AFF2: variants seen among roughly 807,000 people sequenced by gnomAD.
AFF2 encodes the protein ALF transcription elongation factor 2.
A neutral mutation model predicts 76.9 loss-of-function variants in AFF2; 14 were observed. The ratio of observed to expected loss-of-function variants is 0.18; its 90% CI spans 0.12 to 0.28. The LOEUF is 0.28. AFF2 is among the 10% of genes least tolerant of loss of function. The pLI, the probability that AFF2 is intolerant of heterozygous loss-of-function variation, is 1.00. For synonymous variants in AFF2, 398 were observed against 366.7 expected, an observed-to-expected ratio of 1.09 and a Z score of -0.98; for missense variants, 868 against 1,001.1, an observed-to-expected ratio of 0.87 and a Z score of 1.79.
intron 7 of AFF2, among the ~76,000 whole-genome samples, chrX:148,854,530 C>G (rs970555475): frequency 9.0e-6 from 1 of 111,353 alleles, no homozygotes; most frequent in East Asian, 2.8e-4. Flanking sequence ...CCCCAGGGTC[C>G]AAATGGCAAC....
At chrX:148,616,954 T>C (rs868939494) in intron 1 of AFF2, among the ~76,000 whole-genome samples, 15 of 111,963 alleles carry the variant, frequency 1.3e-4, no homozygotes, top group South Asian at 3.7e-4. Context: ...GTGCCACATT[T>C]TCTTAATCCA....
intron 4 of AFF2, among the ~76,000 whole-genome samples, chrX:148,814,870 G>T (rs2070246278): frequency 9.0e-6 from 1 of 111,540 alleles, no homozygotes; most frequent in Admixed American, 9.5e-5. Context: ...AACAAAATTG[G>T]TCGGACAATT....
At chrX:148,619,041 A>T (rs1557250888) in intron 1 of AFF2, among the ~76,000 whole-genome samples, 1 of 111,142 alleles carries the variant, frequency 9.0e-6, no homozygotes, top group African/African-American at 3.3e-5. Flanking sequence ...TGAGATAAAC[A>T]TTCTTTTCTT....
intron 1 of AFF2, among the ~76,000 whole-genome samples, chrX:148,622,837 T>C (rs1228754388): frequency 8.9e-6 from 1 of 112,008 alleles, no homozygotes; most frequent in Admixed American, 9.5e-5. Context: ...CCATGCCACG[T>C]TCTCATTCAC....
At chrX:148,833,173 C>G (rs1045529514) in intron 4 of AFF2, among the ~76,000 whole-genome samples, 2 of 111,627 alleles carry the variant, frequency 1.8e-5, no homozygotes, top group African/African-American at 6.5e-5. Context: ...ACTATTGAAG[C>G]CTTTTCCAAA....
intron 1 of AFF2, among the ~76,000 whole-genome samples, chrX:148,634,104 T>C (rs2054005746): frequency 2.7e-5 from 3 of 111,877 alleles, no homozygotes; most frequent in South Asian, 7.4e-4. Context: ...CAATACCCTC[T>C]AATAACCCTT....
chrX:148,593,273 G>A (rs1475297275), intron 1 of AFF2, among the ~76,000 whole-genome samples: 7 of 112,292 alleles, frequency 6.2e-5, no homozygotes, highest in African/African-American at 9.7e-5. Flanking sequence ...TCATGGTTGC[G>A]TTTCTAGCTA....
intron 19 of AFF2, 98 bp downstream of exon 19, chrX:148,980,888 GAACTA>G (rs2072384199): frequency 1.8e-6 from 1 of 568,259 alleles, no homozygotes; most frequent in African/African-American, 2.2e-5. Flanking sequence ...GTCAATTCTA[GAACTA>G]CAGTCATTTT....
At chrX:148,882,208 G>A (rs2071105169) in intron 7 of AFF2, among the ~76,000 whole-genome samples, 2 of 111,661 alleles carry the variant, frequency 1.8e-5, no homozygotes, top group African/African-American at 6.5e-5. Context: ...GAATGTTTCA[G>A]TGCAAAGAGC....
At chrX:148,923,527 G>C (rs1040367001) in intron 9 of AFF2, among the ~76,000 whole-genome samples, 5 of 110,477 alleles carry the variant, frequency 4.5e-5, no homozygotes, top group Admixed American at 2.9e-4. Context: ...CAAAAATTTT[G>C]AAACGGAAAG....
At chrX:148,824,445 G>T (rs917775105) in intron 4 of AFF2, among the ~76,000 whole-genome samples, 1 of 112,030 alleles carries the variant, frequency 8.9e-6, no homozygotes, top group East Asian at 2.8e-4. Flanking sequence ...AGCTATGTGA[G>T]TTGGTGGACA....
intron 3 of AFF2, among the ~76,000 whole-genome samples, chrX:148,666,791 A>G (rs1052349797): frequency 2.7e-5 from 3 of 111,190 alleles, no homozygotes; most frequent in Admixed American, 9.5e-5. Flanking sequence ...TTGCTTGCAG[A>G]TGGTGCTTTA....
intron 1 of AFF2, among the ~76,000 whole-genome samples, chrX:148,508,588 CCTGA>C (rs1194693491): frequency 6.3e-5 from 7 of 111,603 alleles, no homozygotes; most frequent in Admixed American, 9.5e-5. Context: ...TACATGACAA[CCTGA>C]CTATCTGTTG....
chrX:148,574,164 A>T (rs959874081), intron 1 of AFF2, among the ~76,000 whole-genome samples: 1 of 111,497 alleles, frequency 9.0e-6, no homozygotes, highest in Non-Finnish European at 1.9e-5. Context: ...AATTTTTTTT[A>T]TTGTCTGAGT....
chrX:148,517,502 A>T (rs1308559816), intron 1 of AFF2, among the ~76,000 whole-genome samples: 1 of 111,636 alleles, frequency 9.0e-6, no homozygotes, highest in Non-Finnish European at 1.9e-5. Flanking sequence ...CCCTTGAATG[A>T]TTTTTTGTGT....
intron 5 of AFF2, among the ~76,000 whole-genome samples, chrX:148,839,050 G>A (rs1338009975): frequency 7.1e-5 from 8 of 112,191 alleles, no homozygotes; most frequent in Admixed American, 6.6e-4. Flanking sequence ...TCCAACACTT[G>A]TACAGCAATT....
intron 1 of AFF2, among the ~76,000 whole-genome samples, chrX:148,628,715 A>G (rs903729832): frequency 9.8e-5 from 11 of 112,388 alleles, no homozygotes; most frequent in South Asian, 3.6e-4. Flanking sequence ...AGTTAATGAT[A>G]TGCTAATTGC....
intron 10 of AFF2, 81 bp from the exon 11 acceptor site, chrX:148,955,522 G>T: frequency 9.7e-7 from 1 of 1,033,880 alleles, no homozygotes; most frequent in South Asian, 2.2e-5. Flanking sequence ...AAAGCTTTTA[G>T]TAGTAGTCTC....
At chrX:148,845,323 A>G (rs1190253763) in intron 7 of AFF2, among the ~76,000 whole-genome samples, 1 of 112,530 alleles carries the variant, frequency 8.9e-6, no homozygotes, top group Non-Finnish European at 1.9e-5. Context: ...TTTGTAACTA[A>G]CAGAAATAAA....
Sources: gnomAD v4.1 joint callset for allele counts (sites outside exome capture counted in the v4.1 genomes callset) on GRCh38, gnomAD v4.1.1 for gene constraint, MANE v1.5 for transcripts, NCBI Gene and HGNC (gene_info 2026-07-23, HGNC 2026-07-21) for gene names.